SLC24A2: variants seen among roughly 807,000 people sequenced by gnomAD.
SLC24A2 encodes solute carrier family 24 member 2.
In SLC24A2, 36 loss-of-function variants were observed where a neutral mutation model predicts 62.0. The observed-to-expected ratio is 0.58, with a 90% confidence interval of 0.44 to 0.77. SLC24A2 has a LOEUF of 0.77. Among genes scored for constraint, SLC24A2 ranks in the 30% least tolerant of loss-of-function variants. The probability of loss-of-function intolerance (pLI) is 0.00; values close to 1 mark genes in which losing one functional copy is unlikely to be tolerated. For missense variants in SLC24A2, 846 were observed against 817.9 expected (o/e 1.03, Z -0.42); for synonymous variants, 358 against 294.0 (o/e 1.22, Z -2.23).
intron 4 of SLC24A2, among the ~76,000 whole-genome samples, chr9:19,604,940 A>G (rs1457655959): frequency 1.3e-5 from 2 of 152,256 alleles, no homozygotes; most frequent in African/African-American, 4.8e-5. Flanking sequence ...TAGAATGTTC[A>G]TACAATCCTT....
the SLC24A2 span, among the ~76,000 whole-genome samples, chr9:19,916,554 T>G: frequency 3.7e-4 from 57 of 152,160 alleles, no homozygotes; most frequent in Middle Eastern, 3.4e-3. Flanking sequence ...TGTCTGTATG[T>G]ACATCTAAGT....
chr9:19,930,938 G>A, the SLC24A2 span, among the ~76,000 whole-genome samples: 1 of 152,128 alleles, frequency 6.6e-6, no homozygotes, highest in Non-Finnish European at 1.5e-5. Context: ...CCCACAATTG[G>A]TCAAGCATAG....
intron 2 of SLC24A2, among the ~76,000 whole-genome samples, chr9:19,748,196 C>T (rs1821888065): frequency 2.0e-5 from 3 of 152,188 alleles, no homozygotes; most frequent in South Asian, 4.1e-4. Flanking sequence ...GGGGCTCACA[C>T]TCAGCTCAGC....
the SLC24A2 span, among the ~76,000 whole-genome samples, chr9:20,093,138 C>T: frequency 6.6e-6 from 1 of 151,756 alleles, no homozygotes; most frequent in South Asian, 2.1e-4. Flanking sequence ...GTAGCGCAAT[C>T]TCGACTCACC....
At chr9:19,905,215 TCTCA>T in the SLC24A2 span, among the ~76,000 whole-genome samples, 4 of 151,790 alleles carry the variant, frequency 2.6e-5, no homozygotes, top group African/African-American at 9.7e-5. Flanking sequence ...AAGAGTGGGG[TCTCA>T]CTCAGACTGT....
At chr9:19,590,166 CAACT>C (rs3085624) in intron 5 of SLC24A2, among the ~76,000 whole-genome samples, 148,709 of 152,146 alleles carry the variant, frequency 0.98, 72,697 homozygotes, top group East Asian at 1. Context: ...GCTGTGGTAA[CAACT>C]AACTTCTAAA....
intron 2 of SLC24A2, among the ~76,000 whole-genome samples, chr9:19,633,564 T>C (rs1321232443): frequency 1.3e-5 from 2 of 152,236 alleles, no homozygotes; most frequent in Non-Finnish European, 2.9e-5. Flanking sequence ...AGACAGTGTC[T>C]CACTATGTTG....
intron 4 of SLC24A2, among the ~76,000 whole-genome samples, chr9:19,597,506 A>T (rs893433889): frequency 1.3e-5 from 2 of 152,224 alleles, no homozygotes; most frequent in African/African-American, 4.8e-5. Flanking sequence ...TGTGCCCTGC[A>T]TTACAGAATA....
intron 9 of SLC24A2, among the ~76,000 whole-genome samples, chr9:19,527,101 T>A (rs1833479062): frequency 6.6e-6 from 1 of 152,226 alleles, no homozygotes; most frequent in African/African-American, 2.4e-5. Flanking sequence ...TTGAAAAGTC[T>A]ATTCACATGT....
chr9:19,670,398 C>G lies in SLC24A2; in HGVS notation c.931-48099G>C, dbSNP rs547813934. Among the ~76,000 whole-genome samples the G allele has an allele frequency of 5.9e-5, 9 of 152,106 alleles. No individual in the cohort carries two copies. In the East Asian group the frequency reaches 1.7e-3, roughly 29 times the overall value. ...TGTAATCTTACAAAAATCAACTCTA[C>G]AAAAACCACATAGTCTATCAACCTG... On this transcript the variant is annotated intron_variant, in intron 2 of 10. Transcript: ENST00000341998.
the SLC24A2 span, among the ~76,000 whole-genome samples, chr9:20,305,044 T>C: frequency 7.3e-5 from 11 of 151,528 alleles, no homozygotes; most frequent in Admixed American, 1.3e-4. Context: ...GAAAACACCA[T>C]TTAGCACAAA....
the SLC24A2 span, among the ~76,000 whole-genome samples, chr9:20,215,174 A>C: frequency 5.3e-5 from 8 of 152,210 alleles, no homozygotes; most frequent in African/African-American, 1.7e-4. Flanking sequence ...GTGTCCTCAC[A>C]TGGTGGAAGG....
the SLC24A2 span, among the ~76,000 whole-genome samples, chr9:19,887,467 T>C: frequency 2.0e-5 from 3 of 152,128 alleles, no homozygotes; most frequent in Non-Finnish European, 2.9e-5. Context: ...ACATCACTAA[T>C]GATCATGGAA....
intron 10 of SLC24A2, among the ~76,000 whole-genome samples, chr9:19,517,542 A>G (rs2132624581): frequency 6.6e-6 from 1 of 152,296 alleles, no homozygotes; most frequent in Admixed American, 6.5e-5. Context: ...TTGAAATTCC[A>G]GGCCTGGTAC....
At chr9:20,039,341 G>A in the SLC24A2 span, among the ~76,000 whole-genome samples, 1 of 152,118 alleles carries the variant, frequency 6.6e-6, no homozygotes, top group African/African-American at 2.4e-5. Flanking sequence ...CTGGAAGCTG[G>A]AATTGGGGAT....
the SLC24A2 span, among the ~76,000 whole-genome samples, chr9:20,249,092 C>A: frequency 6.6e-6 from 1 of 152,168 alleles, no homozygotes; most frequent in Non-Finnish European, 1.5e-5. Context: ...CTATGAGTCA[C>A]ACAAGTTGTG....
chr9:19,590,381 T>G (rs1836514953), intron 5 of SLC24A2, among the ~76,000 whole-genome samples: 1 of 152,086 alleles, frequency 6.6e-6, no homozygotes, highest in Non-Finnish European at 1.5e-5. Flanking sequence ...GTCTTCTTGC[T>G]CCTACTGAAA....
At chr9:19,836,101 C>A in the SLC24A2 span, among the ~76,000 whole-genome samples, 1 of 152,068 alleles carries the variant, frequency 6.6e-6, no homozygotes, top group Admixed American at 6.5e-5. Flanking sequence ...ATTTATAGCA[C>A]TAAATGCCCA....
At chr9:20,217,006 C>T in the SLC24A2 span, among the ~76,000 whole-genome samples, 2 of 152,130 alleles carry the variant, frequency 1.3e-5, no homozygotes, top group Admixed American at 6.6e-5. Context: ...CAAATGTATA[C>T]ATTTGCTCAC....
Sources: allele counts gnomAD v4.1 joint callset (sites outside exome capture counted in the v4.1 genomes callset), GRCh38; gene constraint gnomAD v4.1.1; transcripts MANE v1.5; gene names NCBI Gene and HGNC (gene_info 2026-07-23, HGNC 2026-07-21).